ZCWPW1: variants seen among roughly 807,000 people sequenced by gnomAD.
ZCWPW1 encodes zinc finger CW-type PWWP domain protein 1.
In ZCWPW1, 56 loss-of-function variants were observed where a neutral mutation model predicts 81.3. The observed-to-expected ratio is 0.69, with a 90% CI of 0.56 to 0.86. The LOEUF (loss-of-function observed/expected upper bound fraction) is 0.86, where lower values mean the gene tolerates loss of function less well. Among genes scored for constraint, ZCWPW1 ranks in the 40% least tolerant of loss-of-function variants. ZCWPW1 has a pLI of 0.00. For synonymous variants in ZCWPW1, 250 were observed against 273.7 expected (o/e 0.91, Z 0.86); for missense variants, 650 against 769.8 (o/e 0.84, Z 1.84).
chr7:100,418,219 CT>C (rs1381280989), intron 5 of ZCWPW1, among the ~76,000 whole-genome samples: 1 of 152,186 alleles, frequency 6.6e-6, no homozygotes, highest in East Asian at 1.9e-4. Flanking sequence ...AAAACTAAAT[CT>C]CTAACCACAT....
Position 100,402,047 on chromosome 7 carries a change from CG to C in ZCWPW1, c.1475-7del. 6.3e-7 allele frequency: 1 copy of C among 1,599,354 alleles called. No homozygotes were observed. The highest frequency in any genetic ancestry group is 1.8e-5 in the Admixed American group (1 of 57,044). On this transcript the variant is annotated splice_polypyrimidine_tract_variant and splice_region_variant and intron_variant, in intron 16 of 17. Transcript: ENST00000684423. ...GCCTGCATCACCCCCAAGCCCTAGCCGTGAGGGAAATGCGTTTATTTCTCTC... is the reference window on the plus strand; with the variant it reads ...GCCTGCATCACCCCCAAGCCCTAGCCTGAGGGAAATGCGTTTATTTCTCTC...
At chr7:100,418,978 T>A in intron 5 of ZCWPW1, 133 bp downstream of exon 5, 1 of 662,046 alleles carries the variant, frequency 1.5e-6, no homozygotes, top group Non-Finnish European at 2.6e-6. Context: ...TTTTAAAATA[T>A]GTTGAAGTCT....
In ZCWPW1 at chr7:100,419,208, G is replaced by A. The variant is rs1443306943; in HGVS notation, c.283-19C>T. The A allele has an allele frequency of 6.2e-7, 1 of 1,606,972 alleles. No individual in the cohort carries two copies. Among genetic ancestry groups the A allele is most frequent in the Non-Finnish European group, 8.5e-7 (1 of 1,176,010 alleles). ...ATTTTTCCTGCAGAGACAAGGGTAG[G>A]GGAGGAAAACCACTTATCTTTCCAT... is the stretch of plus-strand genomic sequence containing the variant. On this transcript the variant is annotated intron_variant, in intron 4 of 17. Coordinates refer to ENST00000684423, the MANE Select transcript of ZCWPW1 (RefSeq NM_001386010.1).
intron 8 of ZCWPW1, among the ~76,000 whole-genome samples, chr7:100,412,057 CT>C (rs1402546203): frequency 6.6e-6 from 1 of 152,098 alleles, no homozygotes; most frequent in African/African-American, 2.4e-5. Flanking sequence ...CCCCCTCCCC[CT>C]GATTTTACTG....
rs1228254449 is a variant in ZCWPW1 at position 100,402,535 on chromosome 7, G to A, written c.1455C>T (p.Thr485=). Residue 485 remains threonine (T), a synonymous_variant, in exon 16 of 18, where the codon ACC becomes ACT. Coordinates refer to ENST00000684423, the MANE Select transcript of ZCWPW1 (RefSeq NM_001386010.1). ...GCTTACCTCTTGGCTTGGTTTTTTG[G>A]GTCTGTATTTTGACTCGCTTACGAA... ...LPIRKRVKIQ[T]QKTKPRGLGG... 1 of 1,613,866 alleles carries A rather than the reference G, an allele frequency of 6.2e-7. No homozygotes were observed. The highest frequency in any genetic ancestry group is 1.3e-5 in the African/African-American group (1 of 74,848).
chr7:100,401,075 C>T lies in ZCWPW1; in HGVS notation c.1889G>A (p.Gly630Glu), dbSNP rs774065913. ...EDVGRELGQS[G>E]ELQHSNSDGE... is the part of the protein sequence containing the mutation. ...ATCACTGTTGCTGTGCTGCAGCTCC[C>T]CGCTCTGCCCCAGCTCTCTCCCAAC... is the stretch of plus-strand genomic sequence containing the variant. Residue 630 changes from glycine to glutamate, a missense_variant, in exon 18 of 18, where the codon GGG becomes GAG. Transcript: ENST00000684423. 2 of 1,614,052 alleles carry T rather than the reference C, an allele frequency of 1.2e-6. No individual in the cohort carries two copies. Among genetic ancestry groups the T allele is most frequent in the African/African-American group, 2.7e-5 (2 of 74,938 alleles).
At chr7:100,427,672 C>G (rs994262034) in intron 1 of ZCWPW1, among the ~76,000 whole-genome samples, 4 of 150,500 alleles carry the variant, frequency 2.7e-5, no homozygotes, top group Non-Finnish European at 5.9e-5. Context: ...GCACTCCAGC[C>G]TGGGCGACAG....
At position 100,416,306 on chromosome 7, in the gene ZCWPW1, A is replaced by T; in HGVS notation, c.630T>A (p.Ala210=). ...RLTLSKRKKE[A]QDEKVEKTQG... is the part of the protein sequence containing the mutation. ...CAAAGTATATCTGACTGTACTTACG[A>T]GCTTCCTTCTTTCTTTTGCTTAAGG... Residue 210 remains alanine, a splice_region_variant and synonymous_variant, in exon 7 of 18, where the codon GCT becomes GCA. Transcript: ENST00000684423. The T allele has an allele frequency of 6.2e-7, 1 of 1,613,704 alleles. No individual in the cohort carries two copies. Among genetic ancestry groups the T allele is most frequent in the Non-Finnish European group, 8.5e-7 (1 of 1,179,892 alleles).
chr7:100,401,972 G>A lies in ZCWPW1; in HGVS notation c.1544C>T (p.Ser515Phe). ...RTLQRKIMKR[S>F]LGRKSTAPPA... ...AGGAGCTGTGGATTTCCTGCCTAGA[G>A]ATCTCTTCATTATCTTCCTCTGCAG... Residue 515 changes from serine (S) to phenylalanine (F), a missense_variant, in exon 17 of 18, where the codon TCT becomes TTT. Physicochemically the swap from Ser to Phe is radical, Grantham distance 155. Coordinates refer to ENST00000684423, the MANE Select transcript of ZCWPW1 (RefSeq NM_001386010.1). The A allele has an allele frequency of 1.2e-6, 2 of 1,614,140 alleles. No homozygotes were observed. The highest frequency in any genetic ancestry group is 1.7e-6 in the Non-Finnish European group (2 of 1,180,022).
At chr7:100,409,157 A>T (rs1331788879) in intron 9 of ZCWPW1, among the ~76,000 whole-genome samples, 1 of 152,012 alleles carries the variant, frequency 6.6e-6, no homozygotes, top group African/African-American at 2.4e-5. Flanking sequence ...CAATACCAAT[A>T]TTTTAATCAG....
chr7:100,420,639 G>A lies in ZCWPW1; in HGVS notation c.11C>T (p.Thr4Met). Residue 4 changes from threonine to methionine, a missense_variant, in exon 3 of 18, where the codon ACG becomes ATG. Physicochemically the swap from Thr to Met is moderately conservative, Grantham distance 81 (BLOSUM62 -1). Coordinates refer to ENST00000684423, the MANE Select transcript of ZCWPW1 (RefSeq NM_001386010.1). ...TGACTCACCTTCTTTATTCTGCAAC[G>A]TTGTCATCATTCAGCTTAGAAACTA... MMT[T>M]LQNKEECGKG... 6 of 1,614,046 alleles carry A rather than the reference G, an allele frequency of 3.7e-6. No individual in the cohort carries two copies. Among genetic ancestry groups the A allele is most frequent in the East Asian group, 2.2e-5 (1 of 44,880 alleles).
At chr7:100,407,672 C>T (rs566109476) in intron 10 of ZCWPW1, among the ~76,000 whole-genome samples, 70 of 152,014 alleles carry the variant, frequency 4.6e-4, no homozygotes, top group African/African-American at 1.6e-3. Context: ...GGATTACAAG[C>T]GTGAGTCACT....
chr7:100,405,211 C>CCT, intron 12 of ZCWPW1, 118 bp from the exon 13 acceptor site: 1 of 874,600 alleles, frequency 1.1e-6, no homozygotes, highest in Non-Finnish European at 1.8e-6. Context: ...AGGTAGATCA[C>CCT]GAGGTCAGGA....
chr7:100,401,759 CTTTCATTCTAA>C, intron 17 of ZCWPW1, 119 bp downstream of exon 17: 1 of 1,276,562 alleles, frequency 7.8e-7, no homozygotes, highest in Non-Finnish European at 1.1e-6. Flanking sequence ...CCGAGACGCT[CTTTCATTCTAA>C]TTTTCATTCA....
chr7:100,406,216 T>C lies in ZCWPW1; in HGVS notation c.1173+478A>G, dbSNP rs1190375317. Among the ~76,000 whole-genome samples the C allele has an allele frequency of 3.3e-5, 5 of 152,184 alleles. No homozygotes were observed. The South Asian group carries it at 8.3e-4, about 25-fold the overall frequency. The stretch of plus-strand genomic sequence containing the variant: ...TAGACTGTGCCCCCCAGAAGGCACC[T>C]GGCAATGGCTGGAGATAATTTTTTG... On this transcript the variant is annotated intron_variant, in intron 12 of 17. Transcript: ENST00000684423.
chr7:100,401,867 T>C, intron 17 of ZCWPW1, 22 bp downstream of exon 17: 1 of 1,586,334 alleles, frequency 6.3e-7, no homozygotes, highest in Non-Finnish European at 8.6e-7. Flanking sequence ...CCCCTTAGTT[T>C]TTCCCAGGCC....
rs767167499 is a variant in ZCWPW1 at position 100,402,338 on chromosome 7, T to G, written c.1474+178A>C. 11 of 870,762 alleles carry G rather than the reference T, an allele frequency of 1.3e-5. No homozygotes were observed. The South Asian group carries it at 1.5e-4, about 12-fold the overall frequency. The allele number at this position is 870,762 out of a possible 1,614,324, so 53.9% of individuals were successfully genotyped here. Reference sequence around the variant, plus strand: ...CCATCTTTCACCTCAGATTTTATAATTCAGTACAGAGAAGCAAAGGGGTTC... The same window carrying G: ...CCATCTTTCACCTCAGATTTTATAAGTCAGTACAGAGAAGCAAAGGGGTTC... On this transcript the variant is annotated intron_variant, in intron 16 of 17. Transcript: ENST00000684423.
chr7:100,416,670 G>A (rs1294518619), intron 6 of ZCWPW1, among the ~76,000 whole-genome samples: 1 of 152,126 alleles, frequency 6.6e-6, no homozygotes, highest in Non-Finnish European at 1.5e-5. Context: ...TAAATGGGCT[G>A]GGCCTGGTGG....
intron 1 of ZCWPW1, among the ~76,000 whole-genome samples, chr7:100,425,921 T>A (rs1321713300): frequency 6.6e-6 from 1 of 152,094 alleles, no homozygotes; most frequent in Non-Finnish European, 1.5e-5. Context: ...CTCTTTGGAG[T>A]CCTCCATAAA....
Sources: allele counts gnomAD v4.1 joint callset (sites outside exome capture counted in the v4.1 genomes callset), GRCh38; gene constraint gnomAD v4.1.1; transcripts MANE v1.5; gene names NCBI Gene and HGNC (gene_info 2026-07-23, HGNC 2026-07-21).